Variants in PRKG1 observed in about 807,000 individuals in gnomAD.
PRKG1 encodes protein kinase cGMP-dependent 1, also known as cGMP-dependent protein kinase 1.
A neutral mutation model predicts 88.1 loss-of-function variants in PRKG1; 35 were observed. The observed-to-expected ratio is 0.40, with a 90% CI of 0.30 to 0.53. The LOEUF (loss-of-function observed/expected upper bound fraction) is 0.53. PRKG1 is among the 20% of genes least tolerant of loss of function. PRKG1 has a pLI of 0.59. For synonymous variants in PRKG1, 303 were observed against 292.5 expected (o/e 1.04, Z -0.37); for missense variants, 540 against 839.8 (o/e 0.64, Z 4.41).
At chr10:52,001,315 T>C (rs1178761197) in intron 5 of PRKG1, among the ~76,000 whole-genome samples, 1 of 151,782 alleles carries the variant, frequency 6.6e-6, no homozygotes, top group Non-Finnish European at 1.5e-5. Context: ...TAGTTAATAA[T>C]GTACTGTACA....
At chr10:51,335,089 G>A (rs1309454582) in intron 2 of PRKG1, among the ~76,000 whole-genome samples, 19 of 132,814 alleles carry the variant, frequency 1.4e-4, no homozygotes, top group Non-Finnish European at 1.5e-5. Flanking sequence ...TCGGCTCACT[G>A]CAAAGCTCCA....
Position 51,759,527 on chromosome 10 carries a change from GC to G in PRKG1, c.593-45056del, listed in dbSNP as rs201016085. On this transcript the variant is annotated intron_variant, in intron 3 of 17. Transcript: ENST00000373980. ...GGTGATCCACCCTCCACCTGCCTCA[GC>G]CTCTCATAGTGCTGGGATTACAGGT... 3.0e-3 allele frequency among the ~76,000 whole-genome samples: 451 copies of G among 152,280 alleles called. 3 individuals carry two copies. The highest frequency in any genetic ancestry group is 0.01 in the African/African-American group (424 of 41,554).
At chr10:51,968,820 C>CAAAAAAAAAA in intron 5 of PRKG1, among the ~76,000 whole-genome samples, 1 of 105,486 alleles carries the variant, frequency 9.5e-6, no homozygotes, top group African/African-American at 3.0e-5. Context: ...AAAACTCCAT[C>CAAAAAAAAAA]AAAAAAAAAA....
In PRKG1 at chr10:52,065,240, C is replaced by T. The variant is rs116095268; in HGVS notation, c.935+2609C>T. ...AATATAGATAAGCCTTTTCAACATTCAGTGCTGTATGTATATACACTACTT... is the reference window on the plus strand; with the variant it reads ...AATATAGATAAGCCTTTTCAACATTTAGTGCTGTATGTATATACACTACTT... On this transcript the variant is annotated intron_variant, in intron 7 of 17. Transcript: ENST00000373980. 9.3e-3 allele frequency among the ~76,000 whole-genome samples: 1,410 copies of T among 152,238 alleles called. 25 individuals carry two copies. Among genetic ancestry groups the T allele is most frequent in the African/African-American group, 0.031 (1,305 of 41,510 alleles).
intron 2 of PRKG1, among the ~76,000 whole-genome samples, chr10:51,315,888 T>A (rs1841304934): frequency 6.6e-6 from 1 of 152,220 alleles, no homozygotes; most frequent in Non-Finnish European, 1.5e-5. Context: ...CTCATTTGTC[T>A]GCATCTAATC....
chr10:51,484,100 G>A (rs1429396204), intron 3 of PRKG1, among the ~76,000 whole-genome samples: 4 of 152,106 alleles, frequency 2.6e-5, no homozygotes, highest in Non-Finnish European at 1.5e-5. Flanking sequence ...AAATTTTGAT[G>A]GATGAGCTGA....
At chr10:51,373,065 C>T (rs973868005) in intron 2 of PRKG1, among the ~76,000 whole-genome samples, 2 of 152,040 alleles carry the variant, frequency 1.3e-5, no homozygotes, top group African/African-American at 4.8e-5. Flanking sequence ...CTAAAGGCTA[C>T]CATTATGTCT....
At chr10:51,747,796 G>A (rs539307496) in intron 3 of PRKG1, among the ~76,000 whole-genome samples, 1 of 152,064 alleles carries the variant, frequency 6.6e-6, no homozygotes, top group Non-Finnish European at 1.5e-5. Flanking sequence ...GAGGGTTAGG[G>A]TCTCACTTTG....
intron 10 of PRKG1, among the ~76,000 whole-genome samples, chr10:52,254,092 A>G (rs912860464): frequency 1.3e-5 from 2 of 152,056 alleles, no homozygotes; most frequent in African/African-American, 4.8e-5. Flanking sequence ...TTTTACATAC[A>G]TTCAATGATG....
At chr10:51,464,647 T>G (rs1839837292) in intron 2 of PRKG1, among the ~76,000 whole-genome samples, 1 of 151,798 alleles carries the variant, frequency 6.6e-6, no homozygotes, top group Admixed American at 6.6e-5. Flanking sequence ...ATCCCAGCAC[T>G]TTGGGAGGCC....
At chr10:51,447,144 T>C (rs1178963648) in intron 2 of PRKG1, among the ~76,000 whole-genome samples, 1 of 152,042 alleles carries the variant, frequency 6.6e-6, no homozygotes, top group African/African-American at 2.4e-5. Flanking sequence ...GCAAAGTCTG[T>C]AAGTGGTCAT....
At chr10:51,493,147 T>C (rs1840751727) in intron 3 of PRKG1, among the ~76,000 whole-genome samples, 1 of 152,174 alleles carries the variant, frequency 6.6e-6, no homozygotes, top group South Asian at 2.1e-4. Context: ...ATCTTATTCC[T>C]ATTACCACTC....
At chr10:51,141,513 G>A (rs1433510521) in intron 1 of PRKG1, among the ~76,000 whole-genome samples, 2 of 152,104 alleles carry the variant, frequency 1.3e-5, no homozygotes, top group Non-Finnish European at 2.9e-5. Flanking sequence ...TTTTAAAACC[G>A]TCAATCACTA....
chr10:52,170,356 A>C (rs1354901782), intron 9 of PRKG1, among the ~76,000 whole-genome samples: 1 of 152,204 alleles, frequency 6.6e-6, no homozygotes, highest in Non-Finnish European at 1.5e-5. Context: ...TTCATAATAG[A>C]TTCACATAAT....
chr10:52,292,774 G>A (rs1019417627), intron 17 of PRKG1, among the ~76,000 whole-genome samples: 82 of 151,884 alleles, frequency 5.4e-4, no homozygotes, highest in African/African-American at 1.6e-3. Context: ...AATAATAAGA[G>A]CTATCTATGA....
At position 51,467,917 on chromosome 10, in the gene PRKG1, A is replaced by G. The variant is rs1839950074; in HGVS notation, c.592+81A>G. On this transcript the variant is annotated intron_variant, in intron 3 of 17. Transcript: ENST00000373980. ...GAGATGTTGTTTAAAATGCCCATTC[A>G]TTTAATCTTTATACTTTTATTTCTT... 3 of 1,112,448 alleles carry G rather than the reference A, an allele frequency of 2.7e-6. No individual in the cohort carries two copies. In the South Asian group the frequency reaches 3.9e-5, roughly 15 times the overall value. The allele number at this position is 1,112,448 out of a possible 1,614,324, so 68.9% of individuals were successfully genotyped here. A position where few individuals can be genotyped will look rare whatever the true frequency, so the allele number is the denominator to read the frequency against.
chr10:51,107,240 C>T (rs919937867), intron 1 of PRKG1, among the ~76,000 whole-genome samples: 11 of 152,042 alleles, frequency 7.2e-5, no homozygotes, highest in African/African-American at 2.7e-4. Context: ...CGGTGGGACA[C>T]AAGGTAAGGA....
chr10:51,670,906 T>C (rs1419972954), intron 3 of PRKG1, among the ~76,000 whole-genome samples: 1 of 152,068 alleles, frequency 6.6e-6, no homozygotes, highest in Non-Finnish European at 1.5e-5. Context: ...CTCTTAATAA[T>C]GTTGTAGACT....
Position 51,754,335 on chromosome 10 carries a change from C to A in PRKG1, c.593-50250C>A, listed in dbSNP as rs561247239. Among the ~76,000 whole-genome samples, 20 of 152,316 alleles carry A rather than the reference C, an allele frequency of 1.3e-4. No individual in the cohort carries two copies. In the South Asian group the frequency reaches 4.1e-3, roughly 32 times the overall value. ...TATTGATAATTCTCTGGCAATACAA[C>A]TCCTCTGTCATTCAGTGGCAAGGAG... On this transcript the variant is annotated intron_variant, in intron 3 of 17. Coordinates refer to ENST00000373980, the MANE Select transcript of PRKG1 (RefSeq NM_006258.4).
Sources: allele counts gnomAD v4.1 joint callset (sites outside exome capture counted in the v4.1 genomes callset), GRCh38; gene constraint gnomAD v4.1.1; transcripts MANE v1.5; gene names NCBI Gene and HGNC (gene_info 2026-07-23, HGNC 2026-07-21).